The following MICALL1 variants were observed in gnomAD, a reference collection of about 807,000 sequenced individuals.
The protein encoded by MICALL1 is MICAL-like protein 1.
MICALL1 carries 61 observed loss-of-function variants against 83.7 expected under a neutral mutation model. That is an observed-to-expected ratio of 0.73 (90% confidence interval 0.59 to 0.90). The LOEUF is 0.90. Among genes scored for constraint, MICALL1 ranks in the 40% least tolerant of loss-of-function variants. The pLI is 0.00. For missense variants in MICALL1, 1,066 were observed against 1,152.0 expected, an observed-to-expected ratio of 0.93 and a Z score of 1.08; for synonymous variants, 481 against 473.6, an observed-to-expected ratio of 1.02 and a Z score of -0.20.
chr22:37,908,696 C>T (rs958960734), intron 1 of MICALL1, among the ~76,000 whole-genome samples: 5 of 152,086 alleles, frequency 3.3e-5, no homozygotes, highest in African/African-American at 4.8e-5. Flanking sequence ...AAGTACCAAT[C>T]GACAAAACAG....
At chr22:37,911,012 C>G (rs898352873) in intron 1 of MICALL1, among the ~76,000 whole-genome samples, 13 of 152,200 alleles carry the variant, frequency 8.5e-5, no homozygotes, top group Non-Finnish European at 1.6e-4. Context: ...AGGCTGCATG[C>G]GGATGCACCC....
chr22:37,913,733 A>G (rs961314874), intron 3 of MICALL1, among the ~76,000 whole-genome samples: 2 of 152,218 alleles, frequency 1.3e-5, no homozygotes, highest in African/African-American at 2.4e-5. Flanking sequence ...AAGATCACAC[A>G]GCAGACAAAC....
In MICALL1 at chr22:37,940,911, C is replaced by A. The variant is rs540174489; in HGVS notation, c.*81C>A. 56 of 1,562,046 alleles carry A rather than the reference C, an allele frequency of 3.6e-5. 1 individual carries two copies. In the South Asian group the frequency reaches 4.6e-4, roughly 13 times the overall value. ...CTCTGTTTGAAGGGGGCGCCCTGCTCCCCTCAGATCAGTCAGGAGGAAGAT... is the reference window on the plus strand; with the variant it reads ...CTCTGTTTGAAGGGGGCGCCCTGCTACCCTCAGATCAGTCAGGAGGAAGAT... On this transcript the variant is annotated 3_prime_UTR_variant, in exon 16 of 16. Transcript: ENST00000215957.
chr22:37,911,873 T>C, intron 1 of MICALL1, 79 bp from the exon 2 acceptor site: 1 of 1,404,200 alleles, frequency 7.1e-7, no homozygotes, highest in Non-Finnish European at 1.0e-6. Flanking sequence ...TCTGTTCAGC[T>C]CCTTTCTGAC....
Position 37,937,166 on chromosome 22 carries a change from A to G in MICALL1, c.2395A>G (p.Ile799Val), listed in dbSNP as rs1448699179. 1 of 1,551,182 alleles carries G rather than the reference A, an allele frequency of 6.4e-7. No homozygotes were observed. The highest frequency in any genetic ancestry group is 8.7e-7 in the Non-Finnish European group (1 of 1,146,834). ...CCTCATTGAGCAGCGCAACGCTATC[A>G]TCAACTGCCTGGATGAGGACCGGCA... Reference protein sequence around the residue: ...VTLIEQRNAIINCLDEDRQRE... With the variant: ...VTLIEQRNAIVNCLDEDRQRE... Residue 799 changes from isoleucine (I) to valine (V), a missense_variant, in exon 14 of 16, where the codon ATC becomes GTC. Ile to Val is a conservative substitution (Grantham distance 29). Transcript: ENST00000215957.
chr22:37,932,827 T>C lies in MICALL1; in HGVS notation c.2173T>C (p.Trp725Arg). The C allele has an allele frequency of 1.2e-6, 2 of 1,614,056 alleles. No homozygotes were observed. Among genetic ancestry groups the C allele is most frequent in the Non-Finnish European group, 1.7e-6 (2 of 1,179,998 alleles). Residue 725 changes from tryptophan (W) to arginine (R), a missense_variant, in exon 12 of 16, where the codon TGG (tryptophan) becomes CGG (arginine). By Grantham distance (101) the Trp-to-Arg change is moderately radical. Transcript: ENST00000215957. This position sits in a 1 kb window ranked among gnomAD's most constrained non-coding sequence, Gnocchi z 4.4. ...EGREDDMLVDWFKLIHEKHLL... is the reference protein window; with the variant it reads ...EGREDDMLVDRFKLIHEKHLL... ...CCGTGAGGATGACATGCTGGTGGAC[T>C]GGTTCAAGCTCATCCACGAGAAGCA... is the stretch of plus-strand genomic sequence containing the variant.
Position 37,924,573 on chromosome 22 carries a change from C to T in MICALL1, c.1025-87C>T. The T allele has an allele frequency of 7.3e-7, 1 of 1,376,288 alleles. No individual in the cohort carries two copies. The highest frequency in any genetic ancestry group is 1.0e-6 in the Non-Finnish European group (1 of 985,540). 85.3% of individuals were successfully genotyped at this position (1,376,288 alleles called of 1,614,324 possible). A position where few individuals can be genotyped will look rare whatever the true frequency, so the allele number is the denominator to read the frequency against. On this transcript the variant is annotated intron_variant, in intron 6 of 15. Transcript: ENST00000215957. This position sits in a 1 kb window ranked among gnomAD's most constrained non-coding sequence, Gnocchi z 5.2. ...GTGCCAGGAGGAAGGCGGGGCGCTC[C>T]TGGGGAGGCAGGTGCTGTGGCTGGC...
chr22:37,922,211 C>T lies in MICALL1; in HGVS notation c.809C>T (p.Pro270Leu), dbSNP rs756028892. ...CCTGCAGGGGCTGAGGCCGATGGAC[C>T]CAAGGCCAGCCCTGAGGCCCGGCCG... The part of the protein sequence containing the change: ...SAPAGAEADG[P>L]KASPEARPQI... The change falls in exon 6 of 16, where the codon CCC (proline) becomes CTC (leucine). Residue 270 changes from proline (P) to leucine (L), a missense_variant. Pro to Leu is a moderately conservative substitution (Grantham distance 98). Coordinates refer to ENST00000215957, the MANE Select transcript of MICALL1 (RefSeq NM_033386.4). 4 of 1,611,250 alleles carry T rather than the reference C, an allele frequency of 2.5e-6. No individual in the cohort carries two copies. The highest frequency in any genetic ancestry group is 3.4e-6 in the Non-Finnish European group (4 of 1,179,378).
chr22:37,912,451 A>G lies in MICALL1; in HGVS notation c.296A>G (p.Tyr99Cys), dbSNP rs866458588. Reference protein sequence around the residue: ...SVPDCLSIMTYVSQYYNHFCS... With the variant: ...SVPDCLSIMTCVSQYYNHFCS... Reference sequence around the variant, plus strand: ...CCTGACTGCCTCAGCATCATGACCTATGTGTCCCAGTATTACAACCACTTC... The same window carrying G: ...CCTGACTGCCTCAGCATCATGACCTGTGTGTCCCAGTATTACAACCACTTC... The change falls in exon 3 of 16, where the codon TAT becomes TGT. Residue 99 changes from tyrosine to cysteine, a missense_variant. Transcript: ENST00000215957. 8.7e-6 allele frequency: 14 copies of G among 1,613,704 alleles called. No homozygotes were observed. Among genetic ancestry groups the G allele is most frequent in the South Asian group, 1.1e-5 (1 of 91,062 alleles).
chr22:37,926,166 C>T (rs1217111317), intron 8 of MICALL1, 123 bp downstream of exon 8: 2 of 1,246,266 alleles, frequency 1.6e-6, no homozygotes, highest in Non-Finnish European at 2.2e-6. Context: ...TGGGTGACTT[C>T]TCATTTAATC....
intron 6 of MICALL1, among the ~76,000 whole-genome samples, chr22:37,922,786 G>GT (rs199591185): frequency 0.019 from 1,602 of 83,952 alleles, 24 homozygotes; most frequent in South Asian, 0.04. Flanking sequence ...ATTTTGTTTT[G>GT]TTTTTTTTTG....
chr22:37,923,159 G>A (rs1168925522), intron 6 of MICALL1, among the ~76,000 whole-genome samples: 4 of 149,002 alleles, frequency 2.7e-5, no homozygotes, highest in Admixed American at 6.7e-5. Context: ...TCAAACTCCC[G>A]ACCTCAGGTG....
rs1453116247 is a variant in MICALL1 at position 37,941,996 on chromosome 22, A to C, written c.*1166A>C. ...GGAGTTTCCTCACCAATAAACAGAC[A>C]ACCTCAACTGCCAGTGCCCTGCAGC... On this transcript the variant is annotated 3_prime_UTR_variant, in exon 16 of 16. Coordinates refer to ENST00000215957, the MANE Select transcript of MICALL1 (RefSeq NM_033386.4). The C allele has an allele frequency of 6.6e-6, 1 of 152,288 alleles. No homozygotes were observed. Among genetic ancestry groups the C allele is most frequent in the Non-Finnish European group, 1.5e-5 (1 of 68,072 alleles). 9.4% of individuals were successfully genotyped at this position (152,288 alleles called of 1,614,324 possible). A position where few individuals can be genotyped will look rare whatever the true frequency, so the allele number is the denominator to read the frequency against.
chr22:37,908,419 A>G (rs529333103), intron 1 of MICALL1, among the ~76,000 whole-genome samples: 36 of 150,352 alleles, frequency 2.4e-4, no homozygotes, highest in African/African-American at 8.6e-4. Context: ...TCCCACCTCA[A>G]CCTCCCTAGT....
chr22:37,911,948 G>A lies in MICALL1; in HGVS notation c.147-4G>A, dbSNP rs1928350362. ...ACCAACCCTCCTCCCTTTGCCTCTT[G>A]CAGAGATTTTGATTCGCTTTCCAAG... On this transcript the variant is annotated splice_polypyrimidine_tract_variant and splice_region_variant and intron_variant, in intron 1 of 15. Transcript: ENST00000215957. The A allele has an allele frequency of 3.1e-6, 5 of 1,614,058 alleles. No homozygotes were observed. Among genetic ancestry groups the A allele is most frequent in the Middle Eastern group, 1.6e-4 (1 of 6,062 alleles).
intron 6 of MICALL1, among the ~76,000 whole-genome samples, chr22:37,923,738 C>T (rs369291723): frequency 7.9e-5 from 12 of 152,278 alleles, no homozygotes; most frequent in Middle Eastern, 3.4e-3. Flanking sequence ...CGTGTGTCCC[C>T]GAGCTCTCTG....
At chr22:37,940,251 A>G (rs1352090364) in intron 15 of MICALL1, among the ~76,000 whole-genome samples, 8 of 150,772 alleles carry the variant, frequency 5.3e-5, no homozygotes, top group Admixed American at 2.0e-4. Context: ...GTGAAACCCC[A>G]TCTCTACTAA....
chr22:37,925,805 G>C lies in MICALL1; in HGVS notation c.1227G>C (p.Glu409Asp). 2 of 1,613,706 alleles carry C rather than the reference G, an allele frequency of 1.2e-6. No homozygotes were observed. Among genetic ancestry groups the C allele is most frequent in the Non-Finnish European group, 1.7e-6 (2 of 1,179,998 alleles). The change falls in exon 8 of 16, where the codon GAG (glutamate) becomes GAC (aspartate). Residue 409 changes from glutamate to aspartate, a missense_variant. Coordinates refer to ENST00000215957, the MANE Select transcript of MICALL1 (RefSeq NM_033386.4). ...SRQVENGGTEEVAQPSPTASL... is the reference protein window; with the variant it reads ...SRQVENGGTEDVAQPSPTASL... ...AGGTGGAGAATGGAGGCACCGAGGA[G>C]GTGGCCCAGCCGAGCCCAACGGCCA...
rs117219387 is a variant in MICALL1, at chr22:37,929,430, G to A, written c.1881+1604G>A. On this transcript the variant is annotated intron_variant, in intron 9 of 15. Coordinates refer to ENST00000215957, the MANE Select transcript of MICALL1 (RefSeq NM_033386.4). ...TGTGTGGAGTTTGTAGTGGGCAGGGGGTCAGCCCTCAACAGGCAGAAGGAC... is the reference window on the plus strand; with the variant it reads ...TGTGTGGAGTTTGTAGTGGGCAGGGAGTCAGCCCTCAACAGGCAGAAGGAC... 2.4e-3 allele frequency among the ~76,000 whole-genome samples: 361 copies of A among 152,268 alleles called. 18 individuals carry two copies. The East Asian group carries it at 0.053, about 22-fold the overall frequency.
Sources: allele counts gnomAD v4.1 joint callset (sites outside exome capture counted in the v4.1 genomes callset), GRCh38; gene constraint gnomAD v4.1.1; non-coding constraint Gnocchi (gnomAD v3.1); transcripts MANE v1.5; gene names NCBI Gene and HGNC (gene_info 2026-07-23, HGNC 2026-07-21).